TNRC6C: variants seen among roughly 807,000 people sequenced by gnomAD.
The protein encoded by TNRC6C is trinucleotide repeat-containing gene 6C protein.
TNRC6C carries 20 observed loss-of-function variants against 153.7 expected under a neutral mutation model. The ratio of observed to expected loss-of-function variants is 0.13; its 90% confidence interval spans 0.09 to 0.19. TNRC6C has a LOEUF of 0.19. Ranked by LOEUF, TNRC6C falls within the 10% of genes least tolerant of loss-of-function variation. The probability of loss-of-function intolerance (pLI) is 1.00; values close to 1 mark genes in which losing one functional copy is unlikely to be tolerated. For missense variants in TNRC6C, 1,987 were observed against 2,172.0 expected, an observed-to-expected ratio of 0.91 and a Z score of 1.69; for synonymous variants, 811 against 841.4, an observed-to-expected ratio of 0.96 and a Z score of 0.63.
chr17:78,012,766 G>A (rs1311704594), intron 1 of TNRC6C, among the ~76,000 whole-genome samples: 1 of 152,240 alleles, frequency 6.6e-6, no homozygotes, highest in East Asian at 1.9e-4. Context: ...GAGCTGCTGA[G>A]TGAGGTGGTG....
chr17:78,037,348 T>C (rs1297533820), intron 2 of TNRC6C, among the ~76,000 whole-genome samples: 1 of 152,216 alleles, frequency 6.6e-6, no homozygotes, highest in Non-Finnish European at 1.5e-5. Flanking sequence ...AAACATCACA[T>C]ACCCTGCACT....
chr17:78,097,964 T>C, intron 16 of TNRC6C, 103 bp downstream of exon 19: 1 of 1,005,948 alleles, frequency 9.9e-7, no homozygotes, highest in Non-Finnish European at 1.4e-6. Context: ...ACTCACTCCC[T>C]GAGCTGGGAG....
At chr17:78,051,260 A>C in exon 3 of TNRC6C, 1 of 1,554,914 alleles carries the variant, frequency 6.4e-7, no homozygotes, top group Non-Finnish European at 8.7e-7. Context: ...GCTTGGGGGG[A>C]CCCAAGCAAC....
chr17:78,062,931 G>C (rs2072796906), intron 3 of TNRC6C, among the ~76,000 whole-genome samples: 1 of 152,092 alleles, frequency 6.6e-6, no homozygotes, highest in African/African-American at 2.4e-5. Context: ...AGATAAGCTA[G>C]AGAACAGAAG....
intron 1 of TNRC6C, among the ~76,000 whole-genome samples, chr17:78,025,269 A>C (rs2071918745): frequency 6.6e-6 from 1 of 152,104 alleles, no homozygotes; most frequent in African/African-American, 2.4e-5. Flanking sequence ...TGATCTTTTC[A>C]CCATCCCTGT....
At chr17:78,014,051 G>A (rs927533230) in intron 1 of TNRC6C, among the ~76,000 whole-genome samples, 7 of 152,136 alleles carry the variant, frequency 4.6e-5, no homozygotes, top group African/African-American at 1.2e-4. Flanking sequence ...CTCTTCTGGC[G>A]GGTTGTAGGA....
chr17:78,026,934 T>C (rs1195162012), intron 1 of TNRC6C, among the ~76,000 whole-genome samples: 1 of 151,976 alleles, frequency 6.6e-6, no homozygotes, highest in Non-Finnish European at 1.5e-5. Flanking sequence ...GTTTGGTGAT[T>C]GATTAGATGT....
intron 1 of TNRC6C, among the ~76,000 whole-genome samples, chr17:77,974,137 A>G (rs1331936998): frequency 6.6e-6 from 1 of 152,158 alleles, no homozygotes; most frequent in Non-Finnish European, 1.5e-5. Flanking sequence ...AGGCTGAAGG[A>G]AAATATTTGC....
At chr17:77,994,064 A>T (rs1385742964) in intron 1 of TNRC6C, among the ~76,000 whole-genome samples, 1 of 152,142 alleles carries the variant, frequency 6.6e-6, no homozygotes, top group Non-Finnish European at 1.5e-5. Context: ...ATTGTGGTGC[A>T]TGCCTGTAAT....
intron 5 of TNRC6C, among the ~76,000 whole-genome samples, 181 bp from the exon 8 acceptor site, chr17:78,070,904 T>C (rs1477532977): frequency 1.3e-5 from 2 of 152,196 alleles, no homozygotes; most frequent in Non-Finnish European, 2.9e-5. Context: ...CCTTGATGCT[T>C]TCCGTAGCAG....
chr17:78,015,909 C>G (rs2071718940), intron 1 of TNRC6C, among the ~76,000 whole-genome samples: 1 of 152,152 alleles, frequency 6.6e-6, no homozygotes, highest in Non-Finnish European at 1.5e-5. Context: ...AAGACTCCAT[C>G]TCAATAATAA....
intron 3 of TNRC6C, among the ~76,000 whole-genome samples, chr17:78,059,214 A>G (rs1598743443): frequency 6.6e-6 from 1 of 152,258 alleles, no homozygotes; most frequent in Non-Finnish European, 1.5e-5. Flanking sequence ...AACTTCGGAA[A>G]TAGATCCCAT....
intron 1 of TNRC6C, among the ~76,000 whole-genome samples, chr17:77,977,318 C>T (rs116462773): frequency 0.015 from 2,235 of 152,228 alleles, 60 homozygotes; most frequent in African/African-American, 0.051. Context: ...TAAATTTTCT[C>T]TACAAAGTTT....
chr17:78,081,687 G>A (rs2073183597), intron 10 of TNRC6C, among the ~76,000 whole-genome samples: 1 of 152,126 alleles, frequency 6.6e-6, no homozygotes, highest in Non-Finnish European at 1.5e-5. Context: ...CCTTGAAATT[G>A]TACACACCAC....
rs2073630300 is a variant in TNRC6C at position 78,103,280 on chromosome 17, CATATT to C, written c.4573-131_4573-127del. ...ATAAAACGTTAATGTTGTAAAACCA[CATATT>C]ATTAGGCCTTTTAAAGAAAAACATT... On this transcript the variant is annotated intron_variant, in intron 18 of 19. Transcript: ENST00000301624. 6.0e-5 allele frequency: 64 copies of C among 1,059,474 alleles called. No individual in the cohort carries two copies. The South Asian group carries it at 1.1e-3, about 18-fold the overall frequency. 65.6% of individuals were successfully genotyped at this position (1,059,474 alleles called of 1,614,324 possible). A position where few individuals can be genotyped will look rare whatever the true frequency, so the allele number is the denominator to read the frequency against.
intron 1 of TNRC6C, among the ~76,000 whole-genome samples, chr17:77,973,541 G>C (rs541714333): frequency 1.3e-5 from 2 of 152,116 alleles, no homozygotes; most frequent in Non-Finnish European, 2.9e-5. Context: ...GAAAGGAAGC[G>C]GTGAAACCGT....
At chr17:78,024,018 G>C (rs148541090) in intron 1 of TNRC6C, among the ~76,000 whole-genome samples, 2 of 152,208 alleles carry the variant, frequency 1.3e-5, no homozygotes, top group East Asian at 1.9e-4. Flanking sequence ...GCTGAGGCAG[G>C]AGAATCACTT....
At position 78,018,488 on chromosome 17, in the gene TNRC6C, C is replaced by T. The variant is rs150736887; in HGVS notation, c.-545-13028C>T. On this transcript the variant is annotated intron_variant, in intron 1 of 19. Transcript: ENST00000301624. ...ACAGTGCCTGGCACAGAATAGGAAC[C>T]CATTAAATATTTTCTAAATAAGGAG... Among the ~76,000 whole-genome samples the T allele has an allele frequency of 9.9e-3, 1,504 of 152,054 alleles. 11 individuals are homozygous for T. The highest frequency in any genetic ancestry group is 0.015 in the Non-Finnish European group (1,022 of 67,992).
At chr17:78,050,282 A>G (rs560729273) in exon 3 of TNRC6C, 8 of 1,550,110 alleles carry the variant, frequency 5.2e-6, no homozygotes, top group South Asian at 5.1e-5. Flanking sequence ...GGCAACCACA[A>G]TGAAGGAAGC....
Sources: allele counts gnomAD v4.1 joint callset (sites outside exome capture counted in the v4.1 genomes callset), GRCh38; gene constraint gnomAD v4.1.1; transcripts MANE v1.5; gene names NCBI Gene and HGNC (gene_info 2026-07-23, HGNC 2026-07-21).